CEPT1: variants seen among roughly 807,000 people sequenced by gnomAD.
CEPT1 encodes the protein choline/ethanolamine phosphotransferase 1.
Under a neutral mutation model 42.6 loss-of-function variants are expected in CEPT1, and 7 were observed. The observed-to-expected ratio is 0.16, with a 90% CI of 0.09 to 0.31. The LOEUF (loss-of-function observed/expected upper bound fraction) is 0.31. CEPT1 is among the 10% of genes least tolerant of loss of function. The pLI is 1.00. For missense variants in CEPT1, 306 were observed against 502.1 expected, an observed-to-expected ratio of 0.61 and a Z score of 3.73; for synonymous variants, 171 against 171.9, an observed-to-expected ratio of 0.99 and a Z score of 0.04.
intron 4 of CEPT1, among the ~76,000 whole-genome samples, chr1:111,173,562 T>C (rs1258931911): frequency 6.6e-6 from 1 of 152,208 alleles, no homozygotes; most frequent in Non-Finnish European, 1.5e-5. Flanking sequence ...TTACCTACTT[T>C]TAGACTAATT....
intron 4 of CEPT1, chr1:111,167,355 A>T: frequency 1.0e-6 from 1 of 952,924 alleles, no homozygotes; most frequent in Non-Finnish European, 1.2e-6. Flanking sequence ...ATATTAGGGC[A>T]ATAAAAATCC....
intron 1 of CEPT1, chr1:111,143,375 A>G (rs1654770655): frequency 6.6e-6 from 1 of 152,214 alleles, no homozygotes; most frequent in African/African-American, 2.4e-5. Flanking sequence ...GTGTAACCCC[A>G]GCTATTTTCT....
chr1:111,173,327 C>G (rs1656513996), intron 4 of CEPT1: 1 of 151,958 alleles, frequency 6.6e-6, no homozygotes, highest in Non-Finnish European at 1.5e-5. Context: ...ATCAAGATAA[C>G]TACATCACTG....
intron 4 of CEPT1, among the ~76,000 whole-genome samples, chr1:111,170,017 A>G (rs1656342480): frequency 6.6e-6 from 1 of 152,222 alleles, no homozygotes; most frequent in Non-Finnish European, 1.5e-5. Context: ...TAATGTGCTT[A>G]CTGTAGTGCT....
intron 5 of CEPT1, chr1:111,181,834 G>C (rs1421095218): frequency 1.3e-5 from 2 of 155,470 alleles, no homozygotes; most frequent in Admixed American, 6.5e-5. Context: ...AAAAAGGCAG[G>C]GTGCACTCCT....
chr1:111,172,725 G>A (rs1656484390), intron 4 of CEPT1, among the ~76,000 whole-genome samples: 1 of 152,196 alleles, frequency 6.6e-6, no homozygotes, highest in Non-Finnish European at 1.5e-5. Flanking sequence ...CACACTTCCA[G>A]GAGTGATGAT....
intron 4 of CEPT1, among the ~76,000 whole-genome samples, chr1:111,170,276 C>T (rs1656355269): frequency 6.6e-6 from 1 of 152,162 alleles, no homozygotes; most frequent in South Asian, 2.1e-4. Context: ...TTGTTCTATT[C>T]TAGCCTTTGG....
At chr1:111,165,641 CAG>C (rs1656111667) in intron 4 of CEPT1, among the ~76,000 whole-genome samples, 1 of 152,172 alleles carries the variant, frequency 6.6e-6, no homozygotes, top group African/African-American at 2.4e-5. Context: ...TAATTCTACA[CAG>C]ATATTATTAC....
chr1:111,171,466 G>A (rs1054376879), intron 4 of CEPT1, among the ~76,000 whole-genome samples: 1 of 152,206 alleles, frequency 6.6e-6, no homozygotes, highest in Non-Finnish European at 1.5e-5. Flanking sequence ...TTAGGGTGTT[G>A]TAAGGAATGA....
intron 4 of CEPT1, among the ~76,000 whole-genome samples, chr1:111,165,829 A>G: frequency 6.6e-6 from 1 of 152,222 alleles, no homozygotes; most frequent in East Asian, 1.9e-4. Flanking sequence ...TTAAATGAAA[A>G]AAGTTAATAG....
chr1:111,161,433 T>C (rs1557931275), intron 4 of CEPT1, 137 bp downstream of exon 4: 6 of 793,968 alleles, frequency 7.6e-6, no homozygotes, highest in Non-Finnish European at 1.2e-5. Flanking sequence ...TTCATTATTA[T>C]AGCTATTTCC....
intron 2 of CEPT1, among the ~76,000 whole-genome samples, chr1:111,158,151 G>A (rs530740016): frequency 6.6e-6 from 1 of 152,196 alleles, no homozygotes; most frequent in Admixed American, 6.5e-5. Flanking sequence ...ACACCAGCCT[G>A]ACCAACATAG....
At chr1:111,144,424 T>C (rs1264334710) in intron 1 of CEPT1, among the ~76,000 whole-genome samples, 2 of 152,206 alleles carry the variant, frequency 1.3e-5, no homozygotes, top group African/African-American at 4.8e-5. Context: ...AAAGAAAGCC[T>C]TCAAAAACTC....
chr1:111,148,426 CTG>C (rs1655093342), intron 2 of CEPT1, among the ~76,000 whole-genome samples: 1 of 150,610 alleles, frequency 6.6e-6, no homozygotes, highest in South Asian at 2.1e-4. Context: ...TATGGCATGA[CTG>C]TAAACTAGCC....
chr1:111,148,868 A>G lies in CEPT1; in HGVS notation c.339+815A>G, dbSNP rs562607488. Among the ~76,000 whole-genome samples the G allele has an allele frequency of 2.0e-5, 3 of 152,354 alleles. No individual in the cohort carries two copies. The South Asian group carries it at 6.2e-4, about 32-fold the overall frequency. On this transcript the variant is annotated intron_variant, in intron 2 of 8. Coordinates refer to ENST00000357172, the MANE Select transcript of CEPT1 (RefSeq NM_006090.5). Reference sequence around the variant, plus strand: ...CATTTGTTCTGCCTAAATAAGTTAGACTGATCAGTTTCTGGTAATTCAGGA... The same window carrying G: ...CATTTGTTCTGCCTAAATAAGTTAGGCTGATCAGTTTCTGGTAATTCAGGA...
intron 2 of CEPT1, among the ~76,000 whole-genome samples, chr1:111,149,441 G>T (rs970956641): frequency 2.0e-5 from 3 of 151,774 alleles, no homozygotes; most frequent in Admixed American, 2.0e-4. Context: ...TTTTGTATTT[G>T]TAGTAGAGAC....
chr1:111,168,599 C>T (rs139635363), intron 4 of CEPT1, among the ~76,000 whole-genome samples: 3,736 of 152,046 alleles, frequency 0.025, 153 homozygotes, highest in African/African-American at 0.086. Context: ...CGCCATTCTC[C>T]TGCCTCAGCC....
chr1:111,141,332 C>T (rs958970295), intron 1 of CEPT1, among the ~76,000 whole-genome samples: 1 of 152,216 alleles, frequency 6.6e-6, no homozygotes, highest in Non-Finnish European at 1.5e-5. Context: ...CATTTAGTTT[C>T]CTCTTCGTTT....
At chr1:111,143,280 T>G (rs954050815) in intron 1 of CEPT1, among the ~76,000 whole-genome samples, 1 of 152,244 alleles carries the variant, frequency 6.6e-6, no homozygotes. Context: ...TGGATTATTC[T>G]TCCTCCTCCC....
Sources: allele counts gnomAD v4.1 joint callset (sites outside exome capture counted in the v4.1 genomes callset), GRCh38; gene constraint gnomAD v4.1.1; transcripts MANE v1.5; gene names NCBI Gene and HGNC (gene_info 2026-07-23, HGNC 2026-07-21).